TAFA1: variants seen among roughly 807,000 people sequenced by gnomAD.
TAFA1 encodes the protein TAFA chemokine like family member 1.
TAFA1 carries 4 observed loss-of-function variants against 18.5 expected under a neutral mutation model. The ratio of observed to expected loss-of-function variants is 0.22; its 90% CI spans 0.11 to 0.49. The LOEUF is 0.49. Among genes scored for constraint, TAFA1 ranks in the 20% least tolerant of loss-of-function variants. The probability of loss-of-function intolerance (pLI) is 0.98; values close to 1 mark genes in which losing one functional copy is unlikely to be tolerated. For missense variants in TAFA1, 147 were observed against 169.0 expected (o/e 0.87, Z 0.72); for synonymous variants, 56 against 55.2 (o/e 1.01, Z -0.06).
In TAFA1 at chr3:68,135,768, G is replaced by C. The variant is rs961973727; in HGVS notation, c.118+129024G>C. ...AAACAGCTGTTACTGAATGACAATA[G>C]CCATTTTTTCATTTGTTTTAATTTA... On this transcript the variant is annotated intron_variant, in intron 2 of 4. Transcript: ENST00000478136. 2.6e-5 allele frequency among the ~76,000 whole-genome samples: 4 copies of C among 152,258 alleles called. No homozygotes were observed. The South Asian group carries it at 8.3e-4, about 32-fold the overall frequency.
In TAFA1 at chr3:68,120,165, T is replaced by TTC. The variant is rs1340208087; in HGVS notation, c.118+113423_118+113424dup. On this transcript the variant is annotated intron_variant, in intron 2 of 4. Coordinates refer to ENST00000478136, the MANE Select transcript of TAFA1 (RefSeq NM_213609.4). Reference sequence around the variant, plus strand: ...TTTCATTTTCTTTCTTTCTTTCTCTTTCTTTCTCTTTCTTTCTTTCTTTCT... The same window carrying TTC: ...TTTCATTTTCTTTCTTTCTTTCTCTTTCTCTTTCTCTTTCTTTCTTTCTTTCT... 6.8e-3 allele frequency among the ~76,000 whole-genome samples: 929 copies of TTC among 137,362 alleles called. 27 individuals are homozygous for TTC. The highest frequency in any genetic ancestry group is 0.029 in the African/African-American group (844 of 29,326). 90.1% of individuals were successfully genotyped at this position (137,362 alleles called of 152,430 possible).
chr3:68,480,668 G>A (rs942355575), intron 3 of TAFA1, among the ~76,000 whole-genome samples: 8 of 152,162 alleles, frequency 5.3e-5, no homozygotes, highest in African/African-American at 1.9e-4. Flanking sequence ...GCAAAGAGTA[G>A]GCCAGAAATC....
rs1184737795 is a variant in TAFA1, at chr3:68,159,085, C to T, written c.118+152341C>T. ...ATGAGAAGGGTATGAATTTTAGTTT[C>T]GAAGAGCTCACAGTCTTGTCTTGAG... On this transcript the variant is annotated intron_variant, in intron 2 of 4. Transcript: ENST00000478136. 4.6e-5 allele frequency among the ~76,000 whole-genome samples: 7 copies of T among 152,112 alleles called. No individual in the cohort carries two copies. In the East Asian group the frequency reaches 9.6e-4, roughly 21 times the overall value.
At chr3:68,165,772 A>G (rs1169964333) in intron 2 of TAFA1, among the ~76,000 whole-genome samples, 1 of 152,262 alleles carries the variant, frequency 6.6e-6, no homozygotes. Context: ...CTTGTCTAAA[A>G]GGAAAGATGG....
intron 2 of TAFA1, among the ~76,000 whole-genome samples, chr3:68,328,273 G>A (rs553888414): frequency 6.6e-6 from 1 of 152,182 alleles, no homozygotes; most frequent in Non-Finnish European, 1.5e-5. Flanking sequence ...GGCTTGGGCT[G>A]TGTGGAGTGT....
At chr3:68,085,588 T>C (rs923708157) in intron 2 of TAFA1, among the ~76,000 whole-genome samples, 1 of 152,208 alleles carries the variant, frequency 6.6e-6, no homozygotes, top group Non-Finnish European at 1.5e-5. Context: ...TCACTCCTGA[T>C]CTTCATAAGA....
chr3:68,184,977 C>T (rs1216726996), intron 2 of TAFA1, among the ~76,000 whole-genome samples: 1 of 152,096 alleles, frequency 6.6e-6, no homozygotes, highest in African/African-American at 2.4e-5. Flanking sequence ...ATTTGAAATG[C>T]TGTTTTTCTT....
intron 2 of TAFA1, among the ~76,000 whole-genome samples, chr3:68,366,320 AC>A (rs1365087881): frequency 6.6e-6 from 1 of 152,180 alleles, no homozygotes; most frequent in Admixed American, 6.5e-5. Context: ...GCTGAGTCCA[AC>A]AGAGAATTGT....
intron 2 of TAFA1, among the ~76,000 whole-genome samples, chr3:68,019,407 A>G (rs1274586620): frequency 6.6e-6 from 1 of 152,212 alleles, no homozygotes; most frequent in East Asian, 1.9e-4. Context: ...GCAGCATAGG[A>G]TAAATCTACA....
chr3:68,086,231 A>G (rs540732126), intron 2 of TAFA1, among the ~76,000 whole-genome samples: 2 of 152,320 alleles, frequency 1.3e-5, no homozygotes, highest in East Asian at 1.9e-4. Flanking sequence ...CACTTCCAGC[A>G]TATTTTCCAA....
intron 2 of TAFA1, among the ~76,000 whole-genome samples, chr3:68,377,600 C>G (rs1328811398): frequency 6.6e-6 from 1 of 152,160 alleles, no homozygotes; most frequent in Non-Finnish European, 1.5e-5. Context: ...TTGAAGCTAG[C>G]TGCAGAAATT....
chr3:68,469,530 G>T (rs1313857234), intron 3 of TAFA1, among the ~76,000 whole-genome samples: 1 of 152,072 alleles, frequency 6.6e-6, no homozygotes, highest in Non-Finnish European at 1.5e-5. Context: ...AAAATTAGCT[G>T]GGCGTGGTGG....
chr3:68,077,822 G>A (rs1255260641), intron 2 of TAFA1, among the ~76,000 whole-genome samples: 1 of 152,032 alleles, frequency 6.6e-6, no homozygotes, highest in Non-Finnish European at 1.5e-5. Context: ...GAACTTTAAA[G>A]TAGTTTTTTT....
At chr3:68,508,861 ACT>A (rs1366098175) in intron 3 of TAFA1, among the ~76,000 whole-genome samples, 5 of 152,066 alleles carry the variant, frequency 3.3e-5, no homozygotes, top group Admixed American at 6.6e-5. Context: ...TTCAGTGATC[ACT>A]AGAAGAAGAT....
intron 2 of TAFA1, among the ~76,000 whole-genome samples, chr3:68,012,550 A>G (rs1343907298): frequency 6.6e-6 from 1 of 152,210 alleles, no homozygotes; most frequent in Non-Finnish European, 1.5e-5. Context: ...ATACATAAAA[A>G]TGTCAAAAAG....
chr3:68,430,996 A>G (rs1022357590), intron 3 of TAFA1, among the ~76,000 whole-genome samples: 1 of 151,878 alleles, frequency 6.6e-6, no homozygotes, highest in African/African-American at 2.4e-5. Flanking sequence ...GCTCATGTCA[A>G]TTTATTTTTC....
chr3:68,232,895 C>T (rs2066888208), intron 2 of TAFA1, among the ~76,000 whole-genome samples: 1 of 152,138 alleles, frequency 6.6e-6, no homozygotes, highest in African/African-American at 2.4e-5. Flanking sequence ...TAAGCCACTG[C>T]ACCTGGCCTA....
chr3:68,191,681 A>T (rs1016516577), intron 2 of TAFA1, among the ~76,000 whole-genome samples: 1 of 151,780 alleles, frequency 6.6e-6, no homozygotes, highest in Non-Finnish European at 1.5e-5. Context: ...AAAGAAAGGG[A>T]GATAAGACTT....
Position 68,098,417 on chromosome 3 carries a change from T to A in TAFA1, c.118+91673T>A, listed in dbSNP as rs2065112246. Among the ~76,000 whole-genome samples, 3 of 152,136 alleles carry A rather than the reference T, an allele frequency of 2.0e-5. No homozygotes were observed. The South Asian group carries it at 6.2e-4, about 32-fold the overall frequency. On this transcript the variant is annotated intron_variant, in intron 2 of 4. Transcript: ENST00000478136. The stretch of plus-strand genomic sequence containing the variant: ...TTCCAATACCATAAAATGGAAAGAA[T>A]AAAAGTAAATATATAAAGGCATTAA...
Sources: allele counts gnomAD v4.1 joint callset (sites outside exome capture counted in the v4.1 genomes callset), GRCh38; gene constraint gnomAD v4.1.1; transcripts MANE v1.5; gene names NCBI Gene and HGNC (gene_info 2026-07-23, HGNC 2026-07-21).